The following HDAC9 variants were observed in gnomAD, a reference collection of about 807,000 sequenced individuals.
The protein encoded by HDAC9 is MEF-2 interacting transcription repressor (MITR) protein.
Under a neutral mutation model 139.4 loss-of-function variants are expected in HDAC9, and 41 were observed. The observed-to-expected ratio is 0.29, with a 90% CI of 0.23 to 0.38. HDAC9 has a LOEUF of 0.38. HDAC9 is among the 10% of genes least tolerant of loss of function. The pLI is 1.00. For synonymous variants in HDAC9, 517 were observed against 476.2 expected (o/e 1.09, Z -1.12); for missense variants, 1,147 against 1,297.0 (o/e 0.88, Z 1.78).
At chr7:18,341,214 T>TTG (rs143765661) in intron 1 of HDAC9, among the ~76,000 whole-genome samples, 20,404 of 149,698 alleles carry the variant, frequency 0.14, 1,450 homozygotes, top group East Asian at 0.24. Context: ...TATTCATGTT[T>TTG]TGTGTGTGTG....
intron 1 of HDAC9, among the ~76,000 whole-genome samples, chr7:18,470,315 T>TA (rs935467967): frequency 2.5e-4 from 36 of 145,172 alleles, no homozygotes; most frequent in Admixed American, 1.1e-3. Flanking sequence ...CCCCAACTCT[T>TA]AAAAAAAAAA....
At chr7:18,563,731 C>T (rs567056471) in intron 2 of HDAC9, among the ~76,000 whole-genome samples, 16 of 151,994 alleles carry the variant, frequency 1.1e-4, no homozygotes, top group African/African-American at 3.6e-4. Context: ...CCCAACCCCC[C>T]CCATGAACTT....
chr7:18,435,406 A>C (rs75857692), intron 1 of HDAC9, among the ~76,000 whole-genome samples: 7,088 of 152,204 alleles, frequency 0.047, 271 homozygotes, highest in African/African-American at 0.11. Context: ...GGAACTGAAA[A>C]GTATGAAAAA....
intron 1 of HDAC9, among the ~76,000 whole-genome samples, chr7:18,312,835 C>T (rs1274336194): frequency 1.3e-5 from 2 of 151,960 alleles, no homozygotes; most frequent in African/African-American, 2.4e-5. Context: ...ATTAAAGTGG[C>T]CCCCTTTAAA....
At chr7:18,101,675 T>A (rs961361244) in intron 1 of HDAC9, among the ~76,000 whole-genome samples, 8 of 152,238 alleles carry the variant, frequency 5.3e-5, no homozygotes, top group Non-Finnish European at 7.3e-5. Flanking sequence ...AAGCATATTT[T>A]AAAAAATCCA....
intron 11 of HDAC9, among the ~76,000 whole-genome samples, chr7:18,665,355 A>G (rs1794546651): frequency 6.6e-6 from 1 of 152,168 alleles, no homozygotes; most frequent in African/African-American, 2.4e-5. Context: ...GTGAGACAAA[A>G]TAATCTTGAG....
intron 1 of HDAC9, among the ~76,000 whole-genome samples, chr7:18,397,786 A>G (rs894804947): frequency 7.9e-5 from 12 of 152,180 alleles, no homozygotes; most frequent in Non-Finnish European, 1.8e-4. Context: ...AGAGTTTGAA[A>G]GACAGAAATT....
chr7:18,787,367 T>C (rs1351381428), intron 16 of HDAC9, among the ~76,000 whole-genome samples: 1 of 152,192 alleles, frequency 6.6e-6, no homozygotes, highest in Non-Finnish European at 1.5e-5. Context: ...TGGATGTATG[T>C]TAGGTCCAGA....
rs138092419 is a variant in HDAC9 at position 18,177,658 on chromosome 7, T to C, written c.25+15309T>C. Among the ~76,000 whole-genome samples the C allele has an allele frequency of 8.4e-3, 1,286 of 152,326 alleles. 15 individuals are homozygous for C. The highest frequency in any genetic ancestry group is 0.011 in the Admixed American group (169 of 15,298). On this transcript the variant is annotated intron_variant, in intron 2 of 12. Transcript: ENST00000417496. ...TGACATTTGTTACCTCTCTCAGTTC[T>C]GGAACTTACCTTAGTACTGGGGTTG...
upstream of HDAC9, chr7:18,495,705 C>A: frequency 1.0e-6 from 1 of 981,256 alleles, no homozygotes; most frequent in Non-Finnish European, 1.2e-6. Context: ...AATGGATTAT[C>A]ACTCGCTTTA....
At chr7:18,708,414 T>C (rs1784099441) in intron 12 of HDAC9, among the ~76,000 whole-genome samples, 1 of 152,212 alleles carries the variant, frequency 6.6e-6, no homozygotes, top group South Asian at 2.1e-4. Context: ...TTTCTCTAAC[T>C]GTCACATGTT....
At chr7:18,399,573 A>T (rs185880405) in intron 1 of HDAC9, among the ~76,000 whole-genome samples, 2 of 152,192 alleles carry the variant, frequency 1.3e-5, no homozygotes, top group Non-Finnish European at 2.9e-5. Flanking sequence ...GGCAAGGCAC[A>T]TCATAGCAAC....
intron 8 of HDAC9, among the ~76,000 whole-genome samples, chr7:18,642,279 C>T (rs894707038): frequency 3.9e-5 from 6 of 152,092 alleles, no homozygotes; most frequent in African/African-American, 1.4e-4. Flanking sequence ...CCCTGACTCC[C>T]AGTTGCACTC....
chr7:18,114,456 C>T (rs1420563712), intron 1 of HDAC9, among the ~76,000 whole-genome samples: 1 of 152,206 alleles, frequency 6.6e-6, no homozygotes. Context: ...CTGTCTAGCT[C>T]CAACCTTTGC....
chr7:18,695,439 C>T (rs1477409452), intron 12 of HDAC9, among the ~76,000 whole-genome samples: 1 of 152,080 alleles, frequency 6.6e-6, no homozygotes, highest in African/African-American at 2.4e-5. Context: ...TGACACAGTC[C>T]ATGTTGACTC....
At chr7:18,838,089 G>A (rs1394864206) in intron 21 of HDAC9, among the ~76,000 whole-genome samples, 1 of 151,978 alleles carries the variant, frequency 6.6e-6, no homozygotes, top group Non-Finnish European at 1.5e-5. Flanking sequence ...ACTATGGCCT[G>A]TCTGCTATTC....
At chr7:18,965,434 G>A (rs534668287) in intron 24 of HDAC9, among the ~76,000 whole-genome samples, 3 of 152,294 alleles carry the variant, frequency 2.0e-5, no homozygotes, top group African/African-American at 4.8e-5. Flanking sequence ...TTTTCCTTAC[G>A]TCTGTTACAT....
chr7:18,981,379 C>G lies in HDAC9; in HGVS notation c.3170+5426C>G, dbSNP rs552760474. Among the ~76,000 whole-genome samples, 237 of 152,298 alleles carry G rather than the reference C, an allele frequency of 1.6e-3. 1 individual carries two copies. In the Middle Eastern group the frequency reaches 0.017, roughly 11 times the overall value. ...CAAAGCTGCCTTGTACTCCTCAAAA[C>G]GTTCACATACCTTTTTACAGCAGCA... is the stretch of plus-strand genomic sequence containing the variant. On this transcript the variant is annotated intron_variant, in intron 25 of 25. Transcript: ENST00000686413.
At chr7:18,794,983 A>G (rs2129180376) in intron 17 of HDAC9, among the ~76,000 whole-genome samples, 1 of 152,330 alleles carries the variant, frequency 6.6e-6, no homozygotes. Flanking sequence ...CACGTGTTTC[A>G]GTCATCAGAA....
Sources: gnomAD v4.1 joint callset for allele counts (sites outside exome capture counted in the v4.1 genomes callset) on GRCh38, gnomAD v4.1.1 for gene constraint, MANE v1.5 for transcripts, NCBI Gene and HGNC (gene_info 2026-07-23, HGNC 2026-07-21) for gene names.